The following GTPBP6 variants were observed in gnomAD, a reference collection of about 807,000 sequenced individuals.
GTPBP6 encodes GTP binding protein 6.
Under a neutral mutation model 28.9 loss-of-function variants are expected in GTPBP6, and 33 were observed. The ratio of observed to expected loss-of-function variants is 1.14; its 90% CI spans 0.87 to 1.53. The LOEUF (loss-of-function observed/expected upper bound fraction) is 1.53, where lower values mean the gene tolerates loss of function less well. Among genes scored for constraint, GTPBP6 ranks in the 40% most tolerant of loss-of-function variants. The pLI is 0.00. For missense variants in GTPBP6, 507 were observed against 408.3 expected, an observed-to-expected ratio of 1.24 and a Z score of -2.08; for synonymous variants, 231 against 192.7, an observed-to-expected ratio of 1.20 and a Z score of -1.65.
chrX:315,612 C>CACAGACACACAG (rs1448644005), intron 2 of GTPBP6, among the ~76,000 whole-genome samples: 3 of 150,084 alleles, frequency 2.0e-5, no homozygotes, highest in Non-Finnish European at 4.4e-5. Flanking sequence ...CAGGGACAGA[C>CACAGACACACAG]ACAGACACAC....
At chrX:306,953 C>CA (rs1181038241) in intron 9 of GTPBP6, among the ~76,000 whole-genome samples, 13 of 118,214 alleles carry the variant, frequency 1.1e-4, no homozygotes, top group Admixed American at 1.9e-4. Flanking sequence ...TTTTGACTGT[C>CA]AGCACAGATT....
At chrX:310,355 C>T (rs1474100968) in intron 7 of GTPBP6, among the ~76,000 whole-genome samples, 98 of 130,976 alleles carry the variant, frequency 7.5e-4, no homozygotes, top group East Asian at 3.2e-3. Flanking sequence ...AGCCCAGGGA[C>T]GCCTGGAGCC....
chrX:311,410 C>A lies in GTPBP6; in HGVS notation c.1125+9G>T. The A allele has an allele frequency of 1.6e-6, 2 of 1,260,254 alleles. No homozygotes were observed. Among genetic ancestry groups the A allele is most frequent in the African/African-American group, 2.2e-5 (1 of 45,986 alleles). The allele number at this position is 1,260,254 out of a possible 1,614,324, so 78.1% of individuals were successfully genotyped here. ...CCGAGCACCCGATCCCCGGCCGTCC[C>A]ACGCTCACCGAGTGGGCCACGTCTT... is the stretch of plus-strand genomic sequence containing the variant. On this transcript the variant is annotated intron_variant, in intron 7 of 9. Transcript: ENST00000326153.
intron 5 of GTPBP6, 140 bp from the exon 6 acceptor site, chrX:313,064 G>A (rs1569352665): frequency 1.9e-5 from 13 of 675,110 alleles, no homozygotes; most frequent in Admixed American, 5.7e-5. Context: ...CCCCAGCAGC[G>A]GCCCCGACAC....
chrX:310,353 G>T (rs1404334200), intron 7 of GTPBP6, among the ~76,000 whole-genome samples: 13 of 132,396 alleles, frequency 9.8e-5, no homozygotes, highest in Admixed American at 6.8e-4. Context: ...CAAGCCCAGG[G>T]ACGCCTGGAG....
chrX:311,961 G>A, intron 6 of GTPBP6: 3 of 561,994 alleles, frequency 5.3e-6, no homozygotes, highest in East Asian at 3.1e-5. Context: ...GTGGGGTGGT[G>A]GTGCTGGTGT....
At chrX:306,409 G>A (rs1429144377) in intron 9 of GTPBP6, among the ~76,000 whole-genome samples, 3 of 148,426 alleles carry the variant, frequency 2.0e-5, no homozygotes, top group Admixed American at 2.0e-4. Context: ...TGTATGGTCA[G>A]AAATGTACAT....
At chrX:315,168 C>T (rs1476396641) in intron 3 of GTPBP6, 61 bp downstream of exon 3, 35 of 345,358 alleles carry the variant, frequency 1.0e-4, no homozygotes, top group Non-Finnish European at 1.6e-4. Flanking sequence ...GACGCCGTGG[C>T]GTCCCCTCCT....
intron 5 of GTPBP6, among the ~76,000 whole-genome samples, chrX:313,149 C>G (rs7499265): frequency 2.6e-5 from 4 of 152,260 alleles, no homozygotes; most frequent in East Asian, 1.9e-4. Context: ...GTGAGGTCAA[C>G]GAGGGCTTCC....
intron 4 of GTPBP6, among the ~76,000 whole-genome samples, chrX:314,633 C>T (rs772263207): frequency 1.5e-4 from 23 of 152,178 alleles, no homozygotes; most frequent in East Asian, 5.8e-4. Context: ...CCACCACGCC[C>T]GGCTAATTTT....
intron 4 of GTPBP6, 50 bp downstream of exon 4, chrX:314,840 G>A (rs1157347509): frequency 5.0e-6 from 2 of 400,048 alleles, no homozygotes; most frequent in African/African-American, 4.1e-5. Context: ...GAACGGAGGG[G>A]TTCCGGGAGT....
intron 6 of GTPBP6, chrX:312,073 G>C: frequency 2.2e-6 from 1 of 454,200 alleles, no homozygotes; most frequent in Non-Finnish European, 4.3e-6. Context: ...TGTAGACAGA[G>C]GAGAGGCGAT....
intron 8 of GTPBP6, 87 bp from the exon 9 acceptor site, chrX:307,599 GCA>G: frequency 5.4e-6 from 8 of 1,483,250 alleles, no homozygotes; most frequent in Non-Finnish European, 7.3e-6. Context: ...TGCCCACGGG[GCA>G]CAGTCTGGGG....
intron 9 of GTPBP6, among the ~76,000 whole-genome samples, chrX:306,886 TAC>T (rs1186368109): frequency 1.1e-5 from 1 of 87,170 alleles, no homozygotes; most frequent in Non-Finnish European, 2.6e-5. Flanking sequence ...GTCAGAAATG[TAC>T]ATTTTGACTG....
chrX:318,081 G>A (rs2070473711), intron 1 of GTPBP6, among the ~76,000 whole-genome samples: 2 of 134,898 alleles, frequency 1.5e-5, no homozygotes, highest in Admixed American at 1.5e-4. Flanking sequence ...GTCGCCACCT[G>A]AGCTCTTCCC....
intron 1 of GTPBP6, among the ~76,000 whole-genome samples, chrX:317,695 A>ACCCCACCCCACCCCACCCC (rs2070463521): frequency 1.3e-5 from 1 of 74,812 alleles, no homozygotes; most frequent in Admixed American, 1.4e-4. Flanking sequence ...CGGCCCACCC[A>ACCCCACCCCACCCCACCCC]ACCCCACCCC....
At chrX:313,512 T>C (rs980295766) in intron 5 of GTPBP6, among the ~76,000 whole-genome samples, 1 of 150,442 alleles carries the variant, frequency 6.6e-6, no homozygotes, top group Non-Finnish European at 1.5e-5. Context: ...TGAACTGTGG[T>C]CCTCCTAAAA....
chrX:315,103 A>C, intron 3 of GTPBP6, 83 bp from the exon 4 acceptor site: 3 of 398,640 alleles, frequency 7.5e-6, no homozygotes, highest in Non-Finnish European at 8.8e-6. Flanking sequence ...GGACGTCTCT[A>C]ATGCCTTAAC....
In GTPBP6 at chrX:316,264, C is replaced by G. The variant is rs1247243295; in HGVS notation, c.487+650G>C. On this transcript the variant is annotated intron_variant, in intron 2 of 9. Transcript: ENST00000326153. ...ACACATACACACGCAGACACACACA[C>G]AGACACACACACAGTAAATACATCC... Among the ~76,000 whole-genome samples, 3 of 63,288 alleles carry G rather than the reference C, an allele frequency of 4.7e-5. 1 individual carries two copies. Among genetic ancestry groups the G allele is most frequent in the South Asian group, 3.9e-4 (1 of 2,584 alleles). 41.5% of individuals were successfully genotyped at this position (63,288 alleles called of 152,430 possible).
Sources: gnomAD v4.1 joint callset for allele counts (sites outside exome capture counted in the v4.1 genomes callset) on GRCh38, gnomAD v4.1.1 for gene constraint, MANE v1.5 for transcripts, NCBI Gene and HGNC (gene_info 2026-07-23, HGNC 2026-07-21) for gene names.